Variants in CDC14A observed in about 807,000 individuals in gnomAD.
CDC14A encodes cell division cycle 14A, also known as dual specificity protein phosphatase CDC14A.
CDC14A carries 53 observed loss-of-function variants against 74.4 expected under a neutral mutation model. The ratio of observed to expected loss-of-function variants is 0.71; its 90% confidence interval spans 0.57 to 0.89. CDC14A has a LOEUF of 0.89. Ranked by LOEUF, CDC14A falls within the 40% of genes least tolerant of loss-of-function variation. CDC14A has a pLI of 0.00. For missense variants in CDC14A, 646 were observed against 713.7 expected, an observed-to-expected ratio of 0.91 and a Z score of 1.08; for synonymous variants, 247 against 258.4, an observed-to-expected ratio of 0.96 and a Z score of 0.43.
intron 4 of CDC14A, among the ~76,000 whole-genome samples, chr1:100,396,535 T>C (rs1421988212): frequency 6.6e-6 from 1 of 152,190 alleles, no homozygotes; most frequent in Non-Finnish European, 1.5e-5. Context: ...CCAGAATATT[T>C]GTAGTCATGA....
intron 5 of CDC14A, among the ~76,000 whole-genome samples, chr1:100,438,666 G>A (rs1664602278): frequency 6.6e-6 from 1 of 152,120 alleles, no homozygotes; most frequent in Non-Finnish European, 1.5e-5. Context: ...GAAGTTTCAG[G>A]ACTTAAGCAT....
At position 100,352,688 on chromosome 1, in the gene CDC14A, A is replaced by T. The variant is rs1651229860; in HGVS notation, c.-267A>T. 10 of 1,324,492 alleles carry T rather than the reference A, an allele frequency of 7.6e-6. No individual in the cohort carries two copies. The highest frequency in any genetic ancestry group is 9.6e-6 in the Non-Finnish European group (10 of 1,040,338). The allele number at this position is 1,324,492 out of a possible 1,614,324, so 82.0% of individuals were successfully genotyped here. A position where few individuals can be genotyped will look rare whatever the true frequency, so the allele number is the denominator to read the frequency against. Reference sequence around the variant, plus strand: ...GCGGCGGCGGCGGAGCAGCAGCTGCAGCAGCCGAGTCCAAATAGGAGCGGC... The same window carrying T: ...GCGGCGGCGGCGGAGCAGCAGCTGCTGCAGCCGAGTCCAAATAGGAGCGGC... On this transcript the variant is annotated 5_prime_UTR_variant, in exon 1 of 16. Transcript: ENST00000336454.
At chr1:100,444,342 C>T (rs1023581728) in intron 7 of CDC14A, among the ~76,000 whole-genome samples, 1 of 152,152 alleles carries the variant, frequency 6.6e-6, no homozygotes, top group African/African-American at 2.4e-5. Flanking sequence ...CCTTCTCCTC[C>T]CAGGCTGCCT....
At chr1:100,373,579 A>C (rs1654783148) in intron 2 of CDC14A, among the ~76,000 whole-genome samples, 1 of 152,192 alleles carries the variant, frequency 6.6e-6, no homozygotes, top group Admixed American at 6.5e-5. Flanking sequence ...TGAGCATGAT[A>C]AAGTGAAGTG....
chr1:100,451,167 T>G (rs1666106043), intron 7 of CDC14A, among the ~76,000 whole-genome samples: 1 of 152,114 alleles, frequency 6.6e-6, no homozygotes, highest in Admixed American at 6.6e-5. Context: ...AACAACTATG[T>G]TTGTGCTGCT....
At chr1:100,412,710 A>ATATATATATTT (rs1660909935) in intron 4 of CDC14A, among the ~76,000 whole-genome samples, 20 of 95,980 alleles carry the variant, frequency 2.1e-4, no homozygotes, top group African/African-American at 1.4e-3. Flanking sequence ...ATATATATAT[A>ATATATATATTT]TATATATATA....
chr1:100,408,858 C>G (rs1436376605), intron 4 of CDC14A, among the ~76,000 whole-genome samples: 1 of 152,162 alleles, frequency 6.6e-6, no homozygotes, highest in African/African-American at 2.4e-5. Context: ...TGGGGACATT[C>G]AATATCCTCC....
At chr1:100,437,655 G>A (rs898679899) in intron 5 of CDC14A, among the ~76,000 whole-genome samples, 1 of 152,084 alleles carries the variant, frequency 6.6e-6, no homozygotes, top group African/African-American at 2.4e-5. Flanking sequence ...TTTGACCACC[G>A]GGTCACCAGA....
chr1:100,484,542 C>T, intron 11 of CDC14A, 91 bp downstream of exon 11: 2 of 1,369,022 alleles, frequency 1.5e-6, no homozygotes, highest in Non-Finnish European at 1.9e-6. Flanking sequence ...AGTGTCTTTT[C>T]TCTGGATGCC....
Position 100,442,993 on chromosome 1 carries a change from T to C in CDC14A, c.516T>C (p.Tyr172=). ...TTGATGTGGATGAATATGAACATTATGAGGTTTGTACATTTAATTTTTTTT... is the reference window on the plus strand; with the variant it reads ...TTGATGTGGATGAATATGAACATTACGAGGTTTGTACATTTAATTTTTTTT... ...ETFDVDEYEH[Y]ERVENGDFNW... The change falls in exon 7 of 16, where the codon TAT becomes TAC. Residue 172 remains tyrosine (Y), a synonymous_variant. Transcript: ENST00000336454. The C allele has an allele frequency of 6.3e-7, 1 of 1,582,684 alleles. No homozygotes were observed. The highest frequency in any genetic ancestry group is 8.7e-7 in the Non-Finnish European group (1 of 1,152,674).
chr1:100,390,694 C>T, intron 3 of CDC14A, 38 bp from the exon 4 acceptor site: 1 of 1,325,292 alleles, frequency 7.5e-7, no homozygotes, highest in Non-Finnish European at 1.1e-6. Flanking sequence ...AACTTTGTCT[C>T]TATGGTTACA....
chr1:100,481,560 G>A (rs1669473577), intron 10 of CDC14A, among the ~76,000 whole-genome samples: 3 of 152,140 alleles, frequency 2.0e-5, no homozygotes, highest in Admixed American at 2.0e-4. Flanking sequence ...ACTGTAACTT[G>A]GCTCATAATA....
chr1:100,463,772 C>T (rs146953681), intron 9 of CDC14A, among the ~76,000 whole-genome samples: 50 of 152,232 alleles, frequency 3.3e-4, no homozygotes, highest in Non-Finnish European at 5.1e-4. Flanking sequence ...CCAGATCTTT[C>T]GGTATGGATA....
chr1:100,354,567 A>G (rs1391388626), intron 2 of CDC14A, among the ~76,000 whole-genome samples: 2 of 152,284 alleles, frequency 1.3e-5, no homozygotes, highest in East Asian at 3.8e-4. Flanking sequence ...CAGGAAAAAG[A>G]TATCTTAATA....
intron 2 of CDC14A, among the ~76,000 whole-genome samples, chr1:100,375,549 G>C (rs561037028): frequency 1.3e-5 from 2 of 152,190 alleles, no homozygotes; most frequent in Non-Finnish European, 2.9e-5. Flanking sequence ...ATGAAAAAAT[G>C]CTCATCATCA....
In CDC14A at chr1:100,479,284, T is replaced by A. The variant is rs528378962; in HGVS notation, c.978-5008T>A. ...CTTTTAAAAAAAGTTAATTCTTTTT[T>A]AAATTTCAATAGCTTTTGGGATACA... On this transcript the variant is annotated intron_variant, in intron 10 of 15. Coordinates refer to ENST00000336454, the MANE Select transcript of CDC14A (RefSeq NM_003672.4). Among the ~76,000 whole-genome samples the A allele has an allele frequency of 5.8e-4, 88 of 152,356 alleles. 2 individuals carry two copies. In the Middle Eastern group the frequency reaches 0.051, roughly 88 times the overall value.
chr1:100,410,397 C>G (rs546554314), intron 4 of CDC14A, among the ~76,000 whole-genome samples: 7 of 152,284 alleles, frequency 4.6e-5, no homozygotes, highest in Non-Finnish European at 5.9e-5. Context: ...TCTCAGCTCA[C>G]TGAAACCTCT....
intron 2 of CDC14A, among the ~76,000 whole-genome samples, chr1:100,368,792 T>C (rs186847062): frequency 2.0e-4 from 30 of 152,330 alleles, no homozygotes; most frequent in Admixed American, 5.9e-4. Flanking sequence ...CATCTTTTTG[T>C]CCGTGAGTAG....
intron 4 of CDC14A, among the ~76,000 whole-genome samples, chr1:100,410,569 G>A (rs1161854481): frequency 2.0e-5 from 3 of 152,048 alleles, no homozygotes; most frequent in Admixed American, 6.5e-5. Context: ...TGCCTGCCTC[G>A]GCCTCCCAAA....
Sources: allele counts gnomAD v4.1 joint callset (sites outside exome capture counted in the v4.1 genomes callset), GRCh38; gene constraint gnomAD v4.1.1; transcripts MANE v1.5; gene names NCBI Gene and HGNC (gene_info 2026-07-23, HGNC 2026-07-21).